Variants in ST3GAL3 observed in about 807,000 individuals in gnomAD.
The protein encoded by ST3GAL3 is ST3 beta-galactoside alpha-2,3-sialyltransferase 3.
ST3GAL3 carries 21 observed loss-of-function variants against 50.1 expected under a neutral mutation model. That is an observed-to-expected ratio of 0.42 (90% confidence interval 0.30 to 0.60). The LOEUF (loss-of-function observed/expected upper bound fraction) is 0.60, where lower values mean the gene tolerates loss of function less well. Ranked by LOEUF, ST3GAL3 falls within the 20% of genes least tolerant of loss-of-function variation. ST3GAL3 has a pLI of 0.19. For missense variants in ST3GAL3, 353 were observed against 489.4 expected (o/e 0.72, Z 2.63); for synonymous variants, 183 against 190.0 (o/e 0.96, Z 0.30).
intron 1 of ST3GAL3, among the ~76,000 whole-genome samples, chr1:43,725,528 C>T (rs556851258): frequency 3.7e-4 from 57 of 152,244 alleles, no homozygotes; most frequent in African/African-American, 1.3e-3. Context: ...TACAGGGAGG[C>T]CAAGTGCAGT....
At chr1:43,778,640 T>C (rs1012266623) in intron 2 of ST3GAL3, among the ~76,000 whole-genome samples, 2 of 128,622 alleles carry the variant, frequency 1.6e-5, no homozygotes, top group Admixed American at 8.0e-5. Flanking sequence ...TCTTTTCTTT[T>C]TTTCTTTTTT....
At chr1:43,765,286 A>G (rs1226830706) in intron 2 of ST3GAL3, among the ~76,000 whole-genome samples, 1 of 152,166 alleles carries the variant, frequency 6.6e-6, no homozygotes, top group East Asian at 1.9e-4. Context: ...AGAAATGGAC[A>G]GGAACATGGA....
At position 43,919,069 on chromosome 1, in the gene ST3GAL3, C is replaced by CTTTTTTTTTTTTTTTTTTTTTTTTT. The variant is rs1170641209; in HGVS notation, c.745-1333_745-1309dup. 9.9e-5 allele frequency: 6 copies of CTTTTTTTTTTTTTTTTTTTTTTTTT among 60,318 alleles called. 2 individuals carry two copies. Among genetic ancestry groups the CTTTTTTTTTTTTTTTTTTTTTTTTT allele is most frequent in the Admixed American group, 2.9e-4 (1 of 3,428 alleles). The allele number at this position is 60,318 out of a possible 1,614,324, so 3.7% of individuals were successfully genotyped here. ...TTTCTTTTCTTTCCTTTCTTTGTTT[C>CTTTTTTTTTTTTTTTTTTTTTTTTT]TTTTTTTTTTTTTTTTTTTTTTTTT... On this transcript the variant is annotated intron_variant, in intron 9 of 11. Transcript: ENST00000347631.
intron 1 of ST3GAL3, among the ~76,000 whole-genome samples, chr1:43,716,817 A>G (rs531598230): frequency 2.6e-5 from 4 of 152,262 alleles, no homozygotes; most frequent in African/African-American, 7.2e-5. Flanking sequence ...TTTTCTTCCA[A>G]TACCCTGCTG....
chr1:43,928,938 C>T (rs2084535493), intron 11 of ST3GAL3, among the ~76,000 whole-genome samples: 1 of 152,072 alleles, frequency 6.6e-6, no homozygotes. Flanking sequence ...AAAAAATAAA[C>T]AGTTATGGTG....
chr1:43,781,195 G>A lies in ST3GAL3; in HGVS notation c.119-10907G>A, dbSNP rs74070687. 7.6e-3 allele frequency among the ~76,000 whole-genome samples: 1,152 copies of A among 152,212 alleles called. 22 individuals are homozygous for A. Among genetic ancestry groups the A allele is most frequent in the African/African-American group, 0.026 (1,094 of 41,510 alleles). On this transcript the variant is annotated intron_variant, in intron 2 of 11. Transcript: ENST00000347631. ...TCTGCTTTACAATGAACATGCAGTC[G>A]TTTCTGTCACTTGGGGAGATTTGAA... is the stretch of plus-strand genomic sequence containing the variant.
rs76898099 is a variant in ST3GAL3 at position 43,896,324 on chromosome 1, T to G, written c.397+1847T>G. Reference sequence around the variant, plus strand: ...TGCCTCCTTTAAAAAAGTATAAGTTTGTTATTTTTAATTTTGGAGACATCT... The same window carrying G: ...TGCCTCCTTTAAAAAAGTATAAGTTGGTTATTTTTAATTTTGGAGACATCT... On this transcript the variant is annotated intron_variant, in intron 6 of 11. Transcript: ENST00000347631. Among the ~76,000 whole-genome samples the G allele has an allele frequency of 2.8e-4, 42 of 152,320 alleles. No homozygotes were observed. In the East Asian group the frequency reaches 7.3e-3, roughly 27 times the overall value.
chr1:43,823,297 C>T (rs1364342894), intron 4 of ST3GAL3, among the ~76,000 whole-genome samples: 1 of 152,204 alleles, frequency 6.6e-6, no homozygotes, highest in Admixed American at 6.5e-5. Context: ...TAGTGCTCAT[C>T]AAGGCCCTAC....
At chr1:43,917,615 T>TA (rs2082216504) in intron 9 of ST3GAL3, among the ~76,000 whole-genome samples, 1 of 75,078 alleles carries the variant, frequency 1.3e-5, no homozygotes, top group Admixed American at 2.5e-4. Context: ...ATATATTATA[T>TA]ATTATATTAT....
chr1:43,811,266 C>T (rs918871311), intron 3 of ST3GAL3, among the ~76,000 whole-genome samples: 2 of 152,156 alleles, frequency 1.3e-5, no homozygotes, highest in Admixed American at 6.5e-5. Flanking sequence ...CCCTCCTCTC[C>T]CAGCTACTAG....
chr1:43,923,407 C>A (rs931172014), intron 11 of ST3GAL3, among the ~76,000 whole-genome samples: 1 of 152,144 alleles, frequency 6.6e-6, no homozygotes, highest in African/African-American at 2.4e-5. Flanking sequence ...TGGTTCTTAG[C>A]CCCTTCAGAC....
intron 5 of ST3GAL3, among the ~76,000 whole-genome samples, chr1:43,886,090 A>G (rs1178979037): frequency 6.6e-6 from 1 of 152,238 alleles, no homozygotes; most frequent in Non-Finnish European, 1.5e-5. Context: ...CAAAGAAATG[A>G]TAAATGTTGG....
chr1:43,897,150 A>G (rs1428991878), intron 6 of ST3GAL3, among the ~76,000 whole-genome samples: 2 of 150,308 alleles, frequency 1.3e-5, no homozygotes, highest in Non-Finnish European at 2.9e-5. Flanking sequence ...CAAACAGTTC[A>G]TCAGCAAACA....
chr1:43,876,914 A>T (rs934640419), intron 5 of ST3GAL3, among the ~76,000 whole-genome samples: 6 of 152,238 alleles, frequency 3.9e-5, no homozygotes, highest in African/African-American at 1.2e-4. Context: ...AAGACAAGGC[A>T]TGGTGATAAA....
At chr1:43,769,776 A>T (rs1694390168) in intron 2 of ST3GAL3, among the ~76,000 whole-genome samples, 1 of 152,200 alleles carries the variant, frequency 6.6e-6, no homozygotes, top group Admixed American at 6.5e-5. Flanking sequence ...GCATAAAATC[A>T]TTCCCATTGT....
At chr1:43,781,412 C>T (rs756683922) in intron 2 of ST3GAL3, among the ~76,000 whole-genome samples, 1 of 151,986 alleles carries the variant, frequency 6.6e-6, no homozygotes, top group Non-Finnish European at 1.5e-5. Flanking sequence ...GAATTTGAAA[C>T]CAGCCTGGGC....
chr1:43,768,487 G>A (rs2154129895), intron 2 of ST3GAL3, among the ~76,000 whole-genome samples: 1 of 152,208 alleles, frequency 6.6e-6, no homozygotes, highest in Admixed American at 6.5e-5. Context: ...ACAGACTTCT[G>A]GCAAGACTGA....
chr1:43,756,244 A>T (rs1478524939), intron 2 of ST3GAL3, among the ~76,000 whole-genome samples: 1 of 152,172 alleles, frequency 6.6e-6, no homozygotes, highest in East Asian at 1.9e-4. Context: ...TACATATTGT[A>T]TGGCACCATG....
intron 4 of ST3GAL3, among the ~76,000 whole-genome samples, chr1:43,830,400 G>A (rs2063389364): frequency 6.6e-6 from 1 of 152,060 alleles, no homozygotes; most frequent in Non-Finnish European, 1.5e-5. Flanking sequence ...CTATACCATA[G>A]TATGTATGTG....
Sources: gnomAD v4.1 joint callset for allele counts (sites outside exome capture counted in the v4.1 genomes callset) on GRCh38, gnomAD v4.1.1 for gene constraint, MANE v1.5 for transcripts, NCBI Gene and HGNC (gene_info 2026-07-23, HGNC 2026-07-21) for gene names.